Variants in GEN1 observed in about 807,000 individuals in gnomAD.
GEN1 encodes the protein flap endonuclease GEN homolog 1.
In GEN1, 64 loss-of-function variants were observed where a neutral mutation model predicts 67.6. The ratio of observed to expected loss-of-function variants is 0.95; its 90% CI spans 0.77 to 1.17. The LOEUF (loss-of-function observed/expected upper bound fraction) is 1.17. Ranked by LOEUF, GEN1 falls within the 50% of genes most tolerant of loss-of-function variation. The pLI is 0.00. For synonymous variants in GEN1, 371 were observed against 359.4 expected (o/e 1.03, Z -0.37); for missense variants, 1,058 against 1,048.3 (o/e 1.01, Z -0.13).
At chr2:17,771,316 T>C (rs1286761750) in intron 7 of GEN1, 29 bp downstream of exon 7, 2 of 1,225,262 alleles carry the variant, frequency 1.6e-6, no homozygotes, top group African/African-American at 3.0e-5. Context: ...TGGTTATTAG[T>C]ATCTCATACC....
Position 17,772,775 on chromosome 2 carries a change from A to G in GEN1, c.944A>G (p.Asn315Ser). ...HDRQLSEVEN[N>S]IKKKACCCEG... ...AGGCAACTCAGTGAAGTAGAGAACA[A>G]TATTAAGAAGTAAGTTTTTTTAAAA... Residue 315 changes from asparagine (N) to serine (S), a missense_variant, in exon 8 of 14, where the codon AAT becomes AGT. Asn to Ser is a conservative substitution (Grantham distance 46). Transcript: ENST00000381254. 1 of 1,606,258 alleles carries G rather than the reference A, an allele frequency of 6.2e-7. No individual in the cohort carries two copies. The highest frequency in any genetic ancestry group is 8.5e-7 in the Non-Finnish European group (1 of 1,176,510).
chr2:17,754,589 G>T (rs1671309996), intron 1 of GEN1: 1 of 152,230 alleles, frequency 6.6e-6, no homozygotes, highest in Non-Finnish European at 1.5e-5. Context: ...GGCCGCTTGC[G>T]CTTGGCCGAA....
rs1572428605 is a variant in GEN1, at chr2:17,782,137, C to T, written c.*198C>T. On this transcript the variant is annotated 3_prime_UTR_variant, in exon 14 of 14. Coordinates refer to ENST00000381254, the MANE Select transcript of GEN1 (RefSeq NM_001130009.3). ...TTTAAAAGATCCTCTGTATTGAAAA[C>T]TTCTGATAATGTATGTCATTATGTC... The T allele has an allele frequency of 2.7e-5, 12 of 448,370 alleles. No homozygotes were observed. In the East Asian group the frequency reaches 3.9e-4, roughly 15 times the overall value. 27.8% of individuals were successfully genotyped at this position (448,370 alleles called of 1,614,324 possible).
intron 4 of GEN1, 88 bp downstream of exon 4, chr2:17,765,161 C>T (rs1671867088): frequency 5.4e-6 from 7 of 1,292,258 alleles, no homozygotes; most frequent in Non-Finnish European, 7.7e-6. Flanking sequence ...ATATAAAATG[C>T]TTACTGTAAT....
rs1252493184 is a variant in GEN1, at chr2:17,765,089, C to A, written c.525+16C>A. Reference sequence around the variant, plus strand: ...GAATACAAAGGTGTTTATTTTCTTTCTCTTTTTCAGCATTTGTTTACGAAC... The same window carrying A: ...GAATACAAAGGTGTTTATTTTCTTTATCTTTTTCAGCATTTGTTTACGAAC... On this transcript the variant is annotated intron_variant, in intron 4 of 13. Transcript: ENST00000381254. The A allele has an allele frequency of 1.9e-6, 3 of 1,610,770 alleles. No homozygotes were observed. The highest frequency in any genetic ancestry group is 1.3e-5 in the African/African-American group (1 of 74,704).
At chr2:17,753,559 A>T (rs1671208136), upstream of GEN1, 1 of 152,238 alleles carries the variant, frequency 6.6e-6, no homozygotes, top group African/African-American at 2.4e-5. Flanking sequence ...GTCGCCAGCC[A>T]AGGGGGCAGC....
At chr2:17,760,252 T>A in intron 2 of GEN1, 148 bp downstream of exon 2, 2 of 732,008 alleles carry the variant, frequency 2.7e-6, no homozygotes, top group Admixed American at 6.2e-5. Context: ...AGATTCACCA[T>A]CTTTATATTA....
rs1448893175 is a variant in GEN1 at position 17,788,168 on chromosome 2, TA to T, written c.*6232del. 3 of 152,212 alleles carry T rather than the reference TA, an allele frequency of 2.0e-5. No individual in the cohort carries two copies. The highest frequency in any genetic ancestry group is 2.0e-4 in the Admixed American group (3 of 15,286). 9.4% of individuals were successfully genotyped at this position (152,212 alleles called of 1,614,324 possible). A position where few individuals can be genotyped will look rare whatever the true frequency, so the allele number is the denominator to read the frequency against. On this transcript the variant is annotated 3_prime_UTR_variant, in exon 14 of 14. Coordinates refer to ENST00000381254, the MANE Select transcript of GEN1 (RefSeq NM_001130009.3). ...TGGTAGCACTTAGGGTAAAACAGCT[TA>T]AATAGTATTACTGAAGGCAGCCTCC...
chr2:17,772,875 C>G, intron 8 of GEN1, 91 bp downstream of exon 8: 4 of 1,177,966 alleles, frequency 3.4e-6, no homozygotes, highest in Non-Finnish European at 4.7e-6. Context: ...TTCCCCATAT[C>G]TAGATTAGTC....
intron 12 of GEN1, among the ~76,000 whole-genome samples, chr2:17,778,289 CATGT>C (rs1166472665): frequency 2.2e-5 from 2 of 90,462 alleles, no homozygotes; most frequent in Non-Finnish European, 4.4e-5. Flanking sequence ...TATACACACA[CATGT>C]GTGTGTACAT....
intron 2 of GEN1, among the ~76,000 whole-genome samples, chr2:17,760,391 ACTT>A (rs1671619350): frequency 6.6e-6 from 1 of 152,044 alleles, no homozygotes; most frequent in Non-Finnish European, 1.5e-5. Context: ...TCCCTATTTT[ACTT>A]CTCTCCACAT....
intron 4 of GEN1, among the ~76,000 whole-genome samples, chr2:17,765,840 T>C (rs1007280920): frequency 1.3e-5 from 2 of 152,148 alleles, no homozygotes; most frequent in Non-Finnish European, 2.9e-5. Flanking sequence ...TAATTAACAA[T>C]AAATATTCAT....
At position 17,778,140 on chromosome 2, in the gene GEN1, A is replaced by G. The variant is rs112930622; in HGVS notation, c.1264+77A>G. ...TGTCTAGTAAATATTGTATATGTGT[A>G]TATATATATATATACACACACACAT... On this transcript the variant is annotated intron_variant, in intron 12 of 13. Coordinates refer to ENST00000381254, the MANE Select transcript of GEN1 (RefSeq NM_001130009.3). 447 of 433,422 alleles carry G rather than the reference A, an allele frequency of 1.0e-3. 1 individual carries two copies. The highest frequency in any genetic ancestry group is 5.5e-3 in the African/African-American group (172 of 31,342). The allele number at this position is 433,422 out of a possible 1,614,324, so 26.8% of individuals were successfully genotyped here.
chr2:17,780,495 C>T, intron 13 of GEN1, 126 bp from the exon 14 acceptor site: 1 of 631,134 alleles, frequency 1.6e-6, no homozygotes. Context: ...TAGCAATGCA[C>T]TGAGATCAAA....
Position 17,780,780 on chromosome 2 carries a change from C to G in GEN1, c.1568C>G (p.Ser523Cys). 3 of 1,613,968 alleles carry G rather than the reference C, an allele frequency of 1.9e-6. No homozygotes were observed. The highest frequency in any genetic ancestry group is 2.5e-6 in the Non-Finnish European group (3 of 1,179,902). ...PDPTLPQESI[S>C]ASLNSLLLPK... is the part of the protein sequence containing the mutation. ...CCTACATTACCACAGGAATCTATTT[C>G]TGCCTCATTGAATAGCTTGCTTTTA... The change falls in exon 14 of 14, where the codon TCT becomes TGT. Residue 523 changes from serine to cysteine, a missense_variant. Ser to Cys is a moderately radical substitution (Grantham distance 112). Coordinates refer to ENST00000381254, the MANE Select transcript of GEN1 (RefSeq NM_001130009.3).
chr2:17,760,138 A>AT (rs769339190), intron 2 of GEN1, 34 bp downstream of exon 2: 1 of 1,574,396 alleles, frequency 6.4e-7, no homozygotes, highest in South Asian at 1.1e-5. Flanking sequence ...TAAATGTATG[A>AT]TGTATAAACA....
In GEN1 at chr2:17,786,327, G is replaced by C. The variant is rs1673058566; in HGVS notation, c.*4388G>C. On this transcript the variant is annotated 3_prime_UTR_variant, in exon 14 of 14. Transcript: ENST00000381254. ...AATGTGGACACAGTAACACTAGTAG[G>C]GGGCAGTGTGAGGGTGGGAGATGTG... 2.6e-5 allele frequency: 4 copies of C among 152,210 alleles called. No individual in the cohort carries two copies. The highest frequency in any genetic ancestry group is 2.6e-4 in the Admixed American group (4 of 15,280). The allele number at this position is 152,210 out of a possible 1,614,324, so 9.4% of individuals were successfully genotyped here. A position where few individuals can be genotyped will look rare whatever the true frequency, so the allele number is the denominator to read the frequency against.
At chr2:17,771,018 G>A in intron 6 of GEN1, 178 bp from the exon 7 acceptor site, 1 of 662,368 alleles carries the variant, frequency 1.5e-6, no homozygotes, top group East Asian at 2.9e-5. Context: ...TGGGCCTTGG[G>A]GCCACATTTA....
In GEN1 at chr2:17,778,219, T is replaced by TAC. The variant is rs552378151; in HGVS notation, c.1264+164_1264+165dup. On this transcript the variant is annotated intron_variant, in intron 12 of 13. Transcript: ENST00000381254. ...ACACATATATGTGTATATATATGTA[T>TAC]ACACACACATATATGTGTGTACATA... 5.7e-5 allele frequency among the ~76,000 whole-genome samples: 7 copies of TAC among 123,138 alleles called. 1 individual carries two copies. Among genetic ancestry groups the TAC allele is most frequent in the African/African-American group, 1.8e-4 (7 of 37,912 alleles). The allele number at this position is 123,138 out of a possible 152,430, so 80.8% of individuals were successfully genotyped here. A position where few individuals can be genotyped will look rare whatever the true frequency, so the allele number is the denominator to read the frequency against.
Sources: allele counts gnomAD v4.1 joint callset (sites outside exome capture counted in the v4.1 genomes callset), GRCh38; gene constraint gnomAD v4.1.1; transcripts MANE v1.5; gene names NCBI Gene and HGNC (gene_info 2026-07-23, HGNC 2026-07-21).